NLGN1: variants seen among roughly 807,000 people sequenced by gnomAD.
NLGN1 encodes the protein neuroligin 1.
A neutral mutation model predicts 65.5 loss-of-function variants in NLGN1; 12 were observed. The ratio of observed to expected loss-of-function variants is 0.18; its 90% CI spans 0.12 to 0.30. The LOEUF is 0.30. NLGN1 is among the 10% of genes least tolerant of loss of function. NLGN1 has a pLI of 1.00. For missense variants in NLGN1, 750 were observed against 1,007.1 expected, an observed-to-expected ratio of 0.74 and a Z score of 3.46; for synonymous variants, 350 against 359.5, an observed-to-expected ratio of 0.97 and a Z score of 0.30.
chr3:173,623,573 A>G (rs894666342), intron 3 of NLGN1, among the ~76,000 whole-genome samples: 11 of 152,100 alleles, frequency 7.2e-5, no homozygotes, highest in Non-Finnish European at 1.2e-4. Flanking sequence ...ATGGGAAAGA[A>G]CAAGGTTTGT....
chr3:173,977,835 G>C (rs114401946), intron 4 of NLGN1, among the ~76,000 whole-genome samples: 238 of 152,190 alleles, frequency 1.6e-3, no homozygotes, highest in African/African-American at 5.5e-3. Flanking sequence ...GTATGACTCA[G>C]TTGTGACTAG....
chr3:174,123,536 A>T (rs1011274182), intron 4 of NLGN1, among the ~76,000 whole-genome samples: 5 of 152,036 alleles, frequency 3.3e-5, no homozygotes, highest in African/African-American at 1.2e-4. Flanking sequence ...TAGAGTCATA[A>T]ATACATATTT....
intron 4 of NLGN1, among the ~76,000 whole-genome samples, chr3:174,141,178 A>G (rs1722208486): frequency 1.3e-5 from 2 of 152,130 alleles, no homozygotes; most frequent in South Asian, 2.1e-4. Context: ...ACTGTTTTAT[A>G]TTAAGAAATT....
chr3:173,490,436 C>G (rs1728919962), intron 2 of NLGN1, among the ~76,000 whole-genome samples: 1 of 152,086 alleles, frequency 6.6e-6, no homozygotes, highest in Admixed American at 6.6e-5. Flanking sequence ...GAGCTCTGTT[C>G]TGTTCCATTG....
intron 2 of NLGN1, among the ~76,000 whole-genome samples, chr3:173,462,403 A>G (rs1010628554): frequency 6.8e-6 from 1 of 148,080 alleles, no homozygotes; most frequent in Non-Finnish European, 1.5e-5. Flanking sequence ...TTTCTCCATT[A>G]GATTTTACTA....
rs573508358 is a variant in NLGN1 at position 173,546,888 on chromosome 3, A to G, written c.-320-57391A>G. On this transcript the variant is annotated intron_variant, in intron 2 of 6. Coordinates refer to ENST00000457714, the Ensembl canonical transcript of NLGN1. ...TAATGAGAAATACTATTTCCTTGCA[A>G]ATATTATTTATAACTTAGAAAGTAA... Among the ~76,000 whole-genome samples the G allele has an allele frequency of 8.7e-4, 133 of 152,286 alleles. 1 individual carries two copies. The Middle Eastern group carries it at 0.017, about 19-fold the overall frequency.
chr3:174,231,690 C>A (rs1404889892), intron 4 of NLGN1, among the ~76,000 whole-genome samples: 2 of 152,100 alleles, frequency 1.3e-5, no homozygotes, highest in African/African-American at 4.8e-5. Flanking sequence ...GGCTCATGAT[C>A]CCTGATCTCC....
At chr3:173,594,899 T>G (rs1749193852) in intron 2 of NLGN1, among the ~76,000 whole-genome samples, 1 of 152,214 alleles carries the variant, frequency 6.6e-6, no homozygotes, top group Admixed American at 6.5e-5. Flanking sequence ...CCTTGGCCCC[T>G]TTTAGTCACG....
chr3:174,153,787 G>T (rs1724847938), intron 4 of NLGN1, among the ~76,000 whole-genome samples: 1 of 152,034 alleles, frequency 6.6e-6, no homozygotes, highest in South Asian at 2.1e-4. Flanking sequence ...AAGCCCAGGA[G>T]TTTGAGATCA....
At chr3:174,004,438 A>G (rs1723948094) in intron 4 of NLGN1, among the ~76,000 whole-genome samples, 1 of 152,168 alleles carries the variant, frequency 6.6e-6, no homozygotes, top group Non-Finnish European at 1.5e-5. Context: ...AACAGCTATC[A>G]TTCCATGTTG....
At chr3:174,193,821 CA>C (rs1732845918) in intron 4 of NLGN1, among the ~76,000 whole-genome samples, 1 of 152,180 alleles carries the variant, frequency 6.6e-6, no homozygotes, top group African/African-American at 2.4e-5. Flanking sequence ...ATTTTCATTA[CA>C]AATTCTTCTC....
chr3:174,204,303 G>C (rs990635), intron 4 of NLGN1, among the ~76,000 whole-genome samples: 113,623 of 152,062 alleles, frequency 0.75, 42,479 homozygotes, highest in East Asian at 0.8. Context: ...GTACAACACT[G>C]TAAACTTGTT....
chr3:173,596,905 A>G (rs1163881154), intron 2 of NLGN1, among the ~76,000 whole-genome samples: 1 of 151,978 alleles, frequency 6.6e-6, no homozygotes, highest in Non-Finnish European at 1.5e-5. Context: ...CATTTCTGTA[A>G]CCTTTGCTCT....
chr3:173,721,244 G>C (rs1234086357), intron 3 of NLGN1, among the ~76,000 whole-genome samples: 2 of 152,230 alleles, frequency 1.3e-5, no homozygotes, highest in African/African-American at 4.8e-5. Context: ...AGGTGAAAAT[G>C]AGCTTGGTGT....
chr3:173,623,443 A>G (rs763518982), intron 3 of NLGN1, among the ~76,000 whole-genome samples: 4 of 152,156 alleles, frequency 2.6e-5, no homozygotes, highest in Non-Finnish European at 5.9e-5. Flanking sequence ...AAAGTGAACA[A>G]TCAGAAAATA....
At chr3:173,517,788 A>ATCTG (rs1465868795) in intron 2 of NLGN1, among the ~76,000 whole-genome samples, 1 of 151,714 alleles carries the variant, frequency 6.6e-6, no homozygotes, top group Non-Finnish European at 1.5e-5. Flanking sequence ...CTATCTATCT[A>ATCTG]TCTATCTATC....
intron 2 of NLGN1, among the ~76,000 whole-genome samples, chr3:173,532,469 T>C (rs1437135471): frequency 6.6e-6 from 1 of 152,192 alleles, no homozygotes; most frequent in Non-Finnish European, 1.5e-5. Context: ...TAACCCATAG[T>C]CGTCTTAAAG....
At chr3:173,849,714 TC>T (rs1726521620) in intron 4 of NLGN1, among the ~76,000 whole-genome samples, 1 of 152,166 alleles carries the variant, frequency 6.6e-6, no homozygotes, top group Admixed American at 6.5e-5. Context: ...CTTTAGCCTC[TC>T]GTATAAATTT....
intron 4 of NLGN1, among the ~76,000 whole-genome samples, chr3:174,267,807 C>T (rs1748567618): frequency 6.6e-6 from 1 of 152,072 alleles, no homozygotes; most frequent in Admixed American, 6.6e-5. Flanking sequence ...AAAATTATAA[C>T]ATTAATGCTG....
Sources: gnomAD v4.1 joint callset for allele counts (sites outside exome capture counted in the v4.1 genomes callset) on GRCh38, gnomAD v4.1.1 for gene constraint, MANE v1.5 for transcripts, NCBI Gene and HGNC (gene_info 2026-07-23, HGNC 2026-07-21) for gene names.